The following UBXN8 variants were observed in gnomAD, a reference collection of about 807,000 sequenced individuals.
The protein encoded by UBXN8 is UBX domain-containing protein 8.
A neutral mutation model predicts 32.1 loss-of-function variants in UBXN8; 27 were observed. The ratio of observed to expected loss-of-function variants is 0.84; its 90% CI spans 0.62 to 1.16. The LOEUF (loss-of-function observed/expected upper bound fraction) is 1.16. Among genes scored for constraint, UBXN8 ranks in the 50% most tolerant of loss-of-function variants. The probability of loss-of-function intolerance (pLI) is 0.00; values close to 1 mark genes in which losing one functional copy is unlikely to be tolerated. For missense variants in UBXN8, 306 were observed against 311.4 expected (o/e 0.98, Z 0.13); for synonymous variants, 109 against 111.8 (o/e 0.98, Z 0.16).
chr8:30,754,957 T>C (rs1379276669), intron 4 of UBXN8, among the ~76,000 whole-genome samples, 170 bp downstream of exon 4: 1 of 84,932 alleles, frequency 1.2e-5, no homozygotes, highest in Non-Finnish European at 2.3e-5. Context: ...GGGTTGGTCG[T>C]TTTTTTTTTT....
chr8:30,747,070 G>T lies in UBXN8; in HGVS notation c.88+2793G>T, dbSNP rs1302583663. Among the ~76,000 whole-genome samples the T allele has an allele frequency of 4.4e-5, 6 of 137,746 alleles. No individual in the cohort carries two copies. In the Admixed American group the frequency reaches 4.4e-4, roughly 10 times the overall value. The allele number at this position is 137,746 out of a possible 152,430, so 90.4% of individuals were successfully genotyped here. ...CTTGGGAGGCTGAGGCAGGAGAATC[G>T]CTGGAACCCGGGAGGTGGAGGTTGC... On this transcript the variant is annotated intron_variant, in intron 1 of 7. Transcript: ENST00000265616.
Sources: gnomAD v4.1 joint callset for allele counts (sites outside exome capture counted in the v4.1 genomes callset) on GRCh38, gnomAD v4.1.1 for gene constraint, MANE v1.5 for transcripts, NCBI Gene and HGNC (gene_info 2026-07-23, HGNC 2026-07-21) for gene names.